The following ABCB11 variants were observed in gnomAD, a reference collection of about 807,000 sequenced individuals.
ABCB11 encodes bile salt export pump.
Under a neutral mutation model 148.0 loss-of-function variants are expected in ABCB11, and 95 were observed. The ratio of observed to expected loss-of-function variants is 0.64; its 90% CI spans 0.54 to 0.76. The LOEUF (loss-of-function observed/expected upper bound fraction) is 0.76, where lower values mean the gene tolerates loss of function less well. Ranked by LOEUF, ABCB11 falls within the 30% of genes least tolerant of loss-of-function variation. The probability of loss-of-function intolerance (pLI) is 0.00; values close to 1 mark genes in which losing one functional copy is unlikely to be tolerated. For synonymous variants in ABCB11, 591 were observed against 555.4 expected, an observed-to-expected ratio of 1.06 and a Z score of -0.90; for missense variants, 1,523 against 1,617.8, an observed-to-expected ratio of 0.94 and a Z score of 1.01.
intron 5 of ABCB11, among the ~76,000 whole-genome samples, chr2:168,998,979 C>G (rs1694797054): frequency 6.6e-6 from 1 of 152,056 alleles, no homozygotes; most frequent in Non-Finnish European, 1.5e-5. Context: ...GCTTTGCTCC[C>G]TTGACTGCAT....
intron 19 of ABCB11, among the ~76,000 whole-genome samples, chr2:168,950,553 TTAA>T (rs1346028769): frequency 1.3e-5 from 2 of 151,814 alleles, no homozygotes; most frequent in Non-Finnish European, 2.9e-5. Context: ...GAGCATTTTT[TTAA>T]TGTTTGTTGG....
intron 6 of ABCB11, among the ~76,000 whole-genome samples, chr2:168,995,759 A>G (rs1256766172): frequency 1.3e-5 from 2 of 151,830 alleles, no homozygotes; most frequent in Non-Finnish European, 2.9e-5. Flanking sequence ...ACAGAGCTTC[A>G]CTTTCCCCAT....
intron 10 of ABCB11, among the ~76,000 whole-genome samples, chr2:168,981,385 G>T (rs1252364727): frequency 6.6e-6 from 1 of 152,118 alleles, no homozygotes; most frequent in Non-Finnish European, 1.5e-5. Context: ...ATGGCAGGTG[G>T]TTCCTCCCAT....
chr2:169,005,575 CTA>C (rs1175932522), intron 5 of ABCB11, among the ~76,000 whole-genome samples: 1 of 152,136 alleles, frequency 6.6e-6, no homozygotes, highest in Non-Finnish European at 1.5e-5. Context: ...AGCACTGAAT[CTA>C]TTTCCAGGCA....
chr2:168,964,775 C>T (rs1693227508), intron 17 of ABCB11, among the ~76,000 whole-genome samples: 1 of 151,798 alleles, frequency 6.6e-6, no homozygotes, highest in African/African-American at 2.4e-5. Context: ...GGAAATAGGG[C>T]CTCTGATGAG....
chr2:168,942,109 T>C (rs2685814), intron 21 of ABCB11, among the ~76,000 whole-genome samples: 76,474 of 151,628 alleles, frequency 0.5, 20,041 homozygotes, highest in South Asian at 0.66. Flanking sequence ...TTAAGATAAG[T>C]ATACAAAAAC....
chr2:169,007,310 C>G (rs1695049322), intron 5 of ABCB11, among the ~76,000 whole-genome samples: 1 of 152,122 alleles, frequency 6.6e-6, no homozygotes, highest in African/African-American at 2.4e-5. Context: ...AGATAGGAAT[C>G]AATTTGGACC....
At chr2:168,947,348 A>AT (rs67085756) in intron 19 of ABCB11, among the ~76,000 whole-genome samples, 80,844 of 148,278 alleles carry the variant, frequency 0.55, 23,420 homozygotes, top group East Asian at 0.97. Flanking sequence ...TCTCACATCC[A>AT]TTTTTTTTTT....
At chr2:169,001,159 C>T (rs1209273743) in intron 5 of ABCB11, among the ~76,000 whole-genome samples, 3 of 152,142 alleles carry the variant, frequency 2.0e-5, no homozygotes, top group African/African-American at 7.2e-5. Flanking sequence ...AAATTAAACA[C>T]ACATCAGACA....
intron 5 of ABCB11, among the ~76,000 whole-genome samples, chr2:169,010,784 T>A (rs1695158558): frequency 6.6e-6 from 1 of 152,032 alleles, no homozygotes; most frequent in African/African-American, 2.4e-5. Flanking sequence ...ATAGTATTCA[T>A]GTCAATGATC....
intron 19 of ABCB11, among the ~76,000 whole-genome samples, chr2:168,947,847 G>A (rs1388408948): frequency 6.6e-6 from 1 of 151,636 alleles, no homozygotes; most frequent in African/African-American, 2.4e-5. Flanking sequence ...TCCATCTTAA[G>A]GTTTCTGGTT....
intron 4 of ABCB11, 87 bp from the exon 5 acceptor site, chr2:169,013,597 T>G: frequency 1.9e-6 from 2 of 1,066,854 alleles, no homozygotes; most frequent in Non-Finnish European, 2.7e-6. Context: ...TAGATTCTCA[T>G]GAATAGTACT....
chr2:168,958,807 G>A (rs1158506399), intron 18 of ABCB11, among the ~76,000 whole-genome samples: 1 of 151,554 alleles, frequency 6.6e-6, no homozygotes, highest in African/African-American at 2.4e-5. Context: ...TATTATACAT[G>A]GACCTCCGTT....
intron 1 of ABCB11, among the ~76,000 whole-genome samples, chr2:169,020,198 C>T (rs1316841829): frequency 1.3e-5 from 2 of 152,174 alleles, no homozygotes; most frequent in African/African-American, 4.8e-5. Context: ...AATCTGAGGA[C>T]ATTGTTTTAT....
intron 13 of ABCB11, 63 bp from the exon 14 acceptor site, chr2:168,972,113 T>A: frequency 2.7e-6 from 4 of 1,472,282 alleles, no homozygotes; most frequent in African/African-American, 1.4e-5. Context: ...ATCATAATAT[T>A]ATGTCATACT....
chr2:168,996,001 C>T (rs1694703248), intron 6 of ABCB11, among the ~76,000 whole-genome samples: 2 of 87,518 alleles, frequency 2.3e-5, no homozygotes, highest in South Asian at 7.6e-4. Flanking sequence ...AAAAAAAAAG[C>T]CTGTCATTAA....
rs1252987003 is a variant in ABCB11 at position 168,921,858 on chromosome 2, TTTTTC to T, written c.*1759_*1763del. Among the ~76,000 whole-genome samples the T allele has an allele frequency of 1.3e-4, 19 of 141,494 alleles. No homozygotes were observed. Among genetic ancestry groups the T allele is most frequent in the African/African-American group, 4.5e-4 (15 of 33,552 alleles). 92.8% of individuals were successfully genotyped at this position (141,494 alleles called of 152,430 possible). On this transcript the variant is annotated 3_prime_UTR_variant, in exon 28 of 28. Coordinates refer to ENST00000650372, the MANE Select transcript of ABCB11 (RefSeq NM_003742.4). ...GAGTCCTTGACCTCTTTTCTTTTTC[TTTTTC>T]TTTTTTTTTTTTTTTCGCTCTGTCG...
chr2:169,000,666 G>A (rs1694843825), intron 5 of ABCB11, among the ~76,000 whole-genome samples: 1 of 152,038 alleles, frequency 6.6e-6, no homozygotes, highest in South Asian at 2.1e-4. Flanking sequence ...ACACAGCCTT[G>A]ACTGCATTAG....
At chr2:168,998,404 C>T (rs1694780164) in intron 5 of ABCB11, among the ~76,000 whole-genome samples, 2 of 151,916 alleles carry the variant, frequency 1.3e-5, no homozygotes, top group African/African-American at 4.8e-5. Flanking sequence ...TAATAGTTAA[C>T]AATAATACAT....
Sources: allele counts gnomAD v4.1 joint callset (sites outside exome capture counted in the v4.1 genomes callset), GRCh38; gene constraint gnomAD v4.1.1; transcripts MANE v1.5; gene names NCBI Gene and HGNC (gene_info 2026-07-23, HGNC 2026-07-21).